Variants in ZNF518A observed in about 807,000 individuals in gnomAD.
The protein encoded by ZNF518A is zinc finger protein 518.
In ZNF518A, 47 loss-of-function variants were observed where a neutral mutation model predicts 102.7. The observed-to-expected ratio is 0.46, with a 90% confidence interval of 0.36 to 0.58. The LOEUF (loss-of-function observed/expected upper bound fraction) is 0.58. Ranked by LOEUF, ZNF518A falls within the 20% of genes least tolerant of loss-of-function variation. ZNF518A has a pLI of 0.00. For synonymous variants in ZNF518A, 652 were observed against 594.6 expected, an observed-to-expected ratio of 1.10 and a Z score of -1.40; for missense variants, 1,793 against 1,699.8, an observed-to-expected ratio of 1.05 and a Z score of -0.96.
chr10:96,173,004 A>G (rs2083182413), intron 1 of ZNF518A, among the ~76,000 whole-genome samples: 1 of 152,178 alleles, frequency 6.6e-6, no homozygotes, highest in Admixed American at 6.5e-5. Context: ...CTGAGCATGT[A>G]CAGACTTTTT....
At chr10:96,166,574 C>T (rs1461750185), downstream of ZNF518A, among the ~76,000 whole-genome samples, 3 of 152,080 alleles carry the variant, frequency 2.0e-5, no homozygotes, top group Admixed American at 6.5e-5. Context: ...CGAGACCATC[C>T]TGGCTAACAC....
chr10:96,141,099 A>G (rs2081901827), intron 3 of ZNF518A, among the ~76,000 whole-genome samples: 1 of 152,228 alleles, frequency 6.6e-6, no homozygotes, highest in African/African-American at 2.4e-5. Flanking sequence ...TGAAAATGAG[A>G]GAATGAATAG....
intron 3 of ZNF518A, among the ~76,000 whole-genome samples, chr10:96,145,545 T>G (rs1398333032): frequency 6.6e-6 from 1 of 152,254 alleles, no homozygotes; most frequent in Non-Finnish European, 1.5e-5. Flanking sequence ...AGTAACATAA[T>G]TCATCATTCT....
chr10:96,174,321 A>C (rs2083190816), intron 1 of ZNF518A, among the ~76,000 whole-genome samples: 1 of 152,102 alleles, frequency 6.6e-6, no homozygotes, highest in South Asian at 2.1e-4. Context: ...TAAAAATGAG[A>C]TGGAAGGAAA....
chr10:96,195,572 C>T (rs2083444648), intron 1 of ZNF518A, among the ~76,000 whole-genome samples: 1 of 152,192 alleles, frequency 6.6e-6, no homozygotes, highest in African/African-American at 2.4e-5. Flanking sequence ...AGGACAAATA[C>T]TGTGTGATTC....
chr10:96,182,416 CAAAGGG>C, intron 1 of ZNF518A, among the ~76,000 whole-genome samples: 1 of 152,294 alleles, frequency 6.6e-6, no homozygotes, highest in East Asian at 1.9e-4. Context: ...TGCCAGTTTT[CAAAGGG>C]AATGCTTCCA....
chr10:96,200,036 A>G lies in ZNF518A; in HGVS notation n.36-3538A>G, dbSNP rs766987150. On this transcript the variant is annotated intron_variant and non_coding_transcript_variant, in intron 1 of 2. Coordinates refer to the ZNF518A transcript ENST00000442635. The surrounding 1 kb of genome is among the most constrained non-coding windows in gnomAD (Gnocchi z 4.3). The stretch of plus-strand genomic sequence containing the variant: ...CATCTCAAAACAAATAAATAAAATA[A>G]AATAAAATAAAAATAATAAATAATA... 1 of 1,301,246 alleles carries G rather than the reference A, an allele frequency of 7.7e-7. No homozygotes were observed. The highest frequency in any genetic ancestry group is 1.0e-6 in the Non-Finnish European group (1 of 999,066). 80.6% of individuals were successfully genotyped at this position (1,301,246 alleles called of 1,614,324 possible).
At position 96,163,754 on chromosome 10, in the gene ZNF518A, TAA is replaced by T. The variant is rs1554889315; in HGVS notation, c.*2984_*2985del. On this transcript the variant is annotated 3_prime_UTR_variant, in exon 6 of 6. Transcript: ENST00000316045. The stretch of plus-strand genomic sequence containing the variant: ...GGCTATGTTTTAATAAAACAATTTA[TAA>T]AAACAGGAAGTGGGCTGAATTTGGC... 1.2e-5 allele frequency: 2 copies of T among 166,996 alleles called. No homozygotes were observed. The highest frequency in any genetic ancestry group is 4.8e-5 in the African/African-American group (2 of 41,460). The allele number at this position is 166,996 out of a possible 1,614,324, so 10.3% of individuals were successfully genotyped here. A position where few individuals can be genotyped will look rare whatever the true frequency, so the allele number is the denominator to read the frequency against.
intron 1 of ZNF518A, among the ~76,000 whole-genome samples, chr10:96,185,265 A>G (rs2083265128): frequency 6.6e-6 from 1 of 152,110 alleles, no homozygotes; most frequent in Non-Finnish European, 1.5e-5. Flanking sequence ...TTTAGCTCGG[A>G]GAAGTTTTTA....
intron 3 of ZNF518A, among the ~76,000 whole-genome samples, chr10:96,144,143 G>T (rs782289355): frequency 6.6e-6 from 1 of 151,946 alleles, no homozygotes; most frequent in Non-Finnish European, 1.5e-5. Flanking sequence ...ATGCCACCAT[G>T]CTCAGCTAAT....
intron 1 of ZNF518A, among the ~76,000 whole-genome samples, chr10:96,186,229 T>C (rs2083271066): frequency 6.6e-6 from 1 of 152,068 alleles, no homozygotes; most frequent in Non-Finnish European, 1.5e-5. Flanking sequence ...TGGGCTGCAC[T>C]CCAACCAGTC....
chr10:96,197,881 A>T (rs1284440001), intron 1 of ZNF518A, among the ~76,000 whole-genome samples: 2 of 150,340 alleles, frequency 1.3e-5, no homozygotes, highest in Non-Finnish European at 3.0e-5. Context: ...GTGCCACTGC[A>T]CTCCAGCCTG....
chr10:96,163,254 G>C lies in ZNF518A; in HGVS notation c.*2480G>C, dbSNP rs1419989194. On this transcript the variant is annotated 3_prime_UTR_variant, in exon 6 of 6. Transcript: ENST00000316045. ...AACTTAAGTTATTCTGAGGGAGGCA[G>C]ACCTGCTTAGAGTTTCATTATTGCC... is the stretch of plus-strand genomic sequence containing the variant. 1 of 166,778 alleles carries C rather than the reference G, an allele frequency of 6.0e-6. No individual in the cohort carries two copies. Among genetic ancestry groups the C allele is most frequent in the African/African-American group, 2.4e-5 (1 of 41,460 alleles). The allele number at this position is 166,778 out of a possible 1,614,324, so 10.3% of individuals were successfully genotyped here. A position where few individuals can be genotyped will look rare whatever the true frequency, so the allele number is the denominator to read the frequency against.
intron 1 of ZNF518A, among the ~76,000 whole-genome samples, chr10:96,194,164 A>G (rs1160962969): frequency 6.6e-6 from 1 of 152,170 alleles, no homozygotes; most frequent in African/African-American, 2.4e-5. Flanking sequence ...GGAGTTCAAA[A>G]TTTGTGAGAG....
At chr10:96,152,904 T>A (rs2082519890) in intron 3 of ZNF518A, among the ~76,000 whole-genome samples, 1 of 152,184 alleles carries the variant, frequency 6.6e-6, no homozygotes, top group Non-Finnish European at 1.5e-5. Context: ...ATAGATTGAT[T>A]GATAGATACA....
In ZNF518A at chr10:96,157,455, A is replaced by C; in HGVS notation, c.1133A>C (p.His378Pro). The C allele has an allele frequency of 6.2e-7, 1 of 1,613,750 alleles. No homozygotes were observed. The highest frequency in any genetic ancestry group is 8.5e-7 in the Non-Finnish European group (1 of 1,179,770). Residue 378 changes from histidine to proline, a missense_variant, in exon 6 of 6, where the codon CAC (histidine) becomes CCC (proline). Physicochemically the swap from His to Pro is moderately conservative, Grantham distance 77 (BLOSUM62 -2). Around this residue, in one of 3 missense-constraint regions of ZNF518A, gnomAD observed 1,741 missense variants for 1,622.6 expected, o/e 1.07. Coordinates refer to ENST00000316045, the MANE Select transcript of ZNF518A (RefSeq NM_001330736.2). ...HLSEEKDERL[H>P]CENNDKAPES... Reference sequence around the variant, plus strand: ...AGTGAAGAAAAGGATGAAAGACTACACTGTGAGAATAATGATAAAGCCCCT... The same window carrying C: ...AGTGAAGAAAAGGATGAAAGACTACCCTGTGAGAATAATGATAAAGCCCCT...
Position 96,158,727 on chromosome 10 carries a change from G to T in ZNF518A, c.2405G>T (p.Ser802Ile), listed in dbSNP as rs1367640257. The T allele has an allele frequency of 2.5e-6, 4 of 1,613,250 alleles. No individual in the cohort carries two copies. Among genetic ancestry groups the T allele is most frequent in the Non-Finnish European group, 3.4e-6 (4 of 1,179,586 alleles). ...AAACCTGATGTAAAACAAGACTCTA[G>T]TAACACTCCAAATAAAGGCTTGCCA... ...KIKPDVKQDS[S>I]NTPNKGLPLH... Residue 802 changes from serine to isoleucine, a missense_variant, in exon 6 of 6, where the codon AGT becomes ATT. Ser to Ile is a moderately radical substitution (Grantham distance 142). Around this residue, in one of 3 missense-constraint regions of ZNF518A, gnomAD observed 1,741 missense variants for 1,622.6 expected, o/e 1.07. Coordinates refer to ENST00000316045, the MANE Select transcript of ZNF518A (RefSeq NM_001330736.2).
downstream of ZNF518A, among the ~76,000 whole-genome samples, chr10:96,165,070 T>C (rs1269449940): frequency 2.6e-5 from 4 of 152,090 alleles, no homozygotes; most frequent in Non-Finnish European, 4.4e-5. Flanking sequence ...CACTGAAAAT[T>C]AGTTACTTTC....
At chr10:96,192,157 C>A in intron 1 of ZNF518A, 1 of 1,592,172 alleles carries the variant, frequency 6.3e-7, no homozygotes. Context: ...CTCCACTCCT[C>A]CCATCTTCTC....
Sources: allele counts gnomAD v4.1 joint callset (sites outside exome capture counted in the v4.1 genomes callset), GRCh38; gene constraint gnomAD v4.1.1; regional missense constraint gnomAD v4.1.1; non-coding constraint Gnocchi (gnomAD v3.1); transcripts MANE v1.5; gene names NCBI Gene and HGNC (gene_info 2026-07-23, HGNC 2026-07-21).